Variants in IGF2BP3 observed in about 807,000 individuals in gnomAD.
IGF2BP3 encodes insulin-like growth factor 2 mRNA-binding protein 3.
A neutral mutation model predicts 73.8 loss-of-function variants in IGF2BP3; 9 were observed. The observed-to-expected ratio is 0.12, with a 90% CI of 0.07 to 0.21. The LOEUF (loss-of-function observed/expected upper bound fraction) is 0.21, where lower values mean the gene tolerates loss of function less well. Ranked by LOEUF, IGF2BP3 falls within the 10% of genes least tolerant of loss-of-function variation. IGF2BP3 has a pLI of 1.00. For missense variants in IGF2BP3, 542 were observed against 714.0 expected, an observed-to-expected ratio of 0.76 and a Z score of 2.75; for synonymous variants, 258 against 256.7, an observed-to-expected ratio of 1.01 and a Z score of -0.05.
intron 3 of IGF2BP3, chr7:23,405,208 A>C (rs1038798219): frequency 6.6e-6 from 1 of 152,236 alleles, no homozygotes; most frequent in Non-Finnish European, 1.5e-5. Flanking sequence ...GGCATCAAAA[A>C]ACAATATTCA....
intron 2 of IGF2BP3, among the ~76,000 whole-genome samples, chr7:23,437,757 CA>C (rs1424232054): frequency 2.6e-5 from 4 of 152,090 alleles, no homozygotes; most frequent in African/African-American, 9.7e-5. Flanking sequence ...ATATTGAGAA[CA>C]AAAGTAAAAA....
chr7:23,340,691 T>C (rs534519384), intron 10 of IGF2BP3, among the ~76,000 whole-genome samples: 1 of 152,310 alleles, frequency 6.6e-6, no homozygotes, highest in Non-Finnish European at 1.5e-5. Context: ...TTATCGATAA[T>C]GCAACTGAAT....
chr7:23,342,132 T>C lies in IGF2BP3; in HGVS notation c.1135A>G (p.Thr379Ala). The C allele has an allele frequency of 7.4e-6, 12 of 1,611,410 alleles. No homozygotes were observed. The highest frequency in any genetic ancestry group is 1.0e-5 in the Non-Finnish European group (12 of 1,179,106). The change falls in exon 10 of 15, where the codon ACT (threonine) becomes GCT (alanine). Residue 379 changes from threonine to alanine, a missense_variant. Thr to Ala is a moderately conservative substitution (Grantham distance 58). This residue lies in a region of IGF2BP3 where 303 missense variants were observed against 472.1 expected (regional missense o/e 0.64). Coordinates refer to ENST00000258729, the MANE Select transcript of IGF2BP3 (RefSeq NM_006547.3). ...GAGGTGGGAGGTGGCATCCCTGAAG[T>C]GGGTGGGAACAGACCCAAGGCGTTC... ...NLNALGLFPP[T>A]SGMPPPTSGP...
intron 3 of IGF2BP3, among the ~76,000 whole-genome samples, chr7:23,389,212 G>A (rs1260259027): frequency 2.0e-5 from 3 of 150,620 alleles, no homozygotes; most frequent in Non-Finnish European, 2.9e-5. Context: ...CCAGGCTGGA[G>A]TGCAGCGGCA....
At chr7:23,315,166 G>A (rs145189442) in intron 12 of IGF2BP3, among the ~76,000 whole-genome samples, 191 of 151,058 alleles carry the variant, frequency 1.3e-3, no homozygotes, top group African/African-American at 4.5e-3. Flanking sequence ...CTTTCTCTGT[G>A]GTGCGATCTC....
intron 2 of IGF2BP3, among the ~76,000 whole-genome samples, chr7:23,429,317 CTT>C (rs748605172): frequency 3.9e-5 from 6 of 152,082 alleles, no homozygotes; most frequent in South Asian, 2.1e-4. Flanking sequence ...CAAAAAAGTG[CTT>C]TATGTTTATT....
chr7:23,325,155 T>C (rs1395659498), intron 10 of IGF2BP3, among the ~76,000 whole-genome samples: 1 of 152,166 alleles, frequency 6.6e-6, no homozygotes, highest in Non-Finnish European at 1.5e-5. Flanking sequence ...GATGACATGA[T>C]TGTATATCTA....
Position 23,312,336 on chromosome 7 carries a change from T to G in IGF2BP3, c.*26A>C, listed in dbSNP as rs1247097731. ...ATCTGTCTTTGGTTTGGCATCTGCC[T>G]CTGTGGTGGGCTGTTTCCTGAGCCT... On this transcript the variant is annotated 3_prime_UTR_variant, in exon 15 of 15. Coordinates refer to ENST00000258729, the MANE Select transcript of IGF2BP3 (RefSeq NM_006547.3). 2 of 1,531,510 alleles carry G rather than the reference T, an allele frequency of 1.3e-6. No individual in the cohort carries two copies. Among genetic ancestry groups the G allele is most frequent in the East Asian group, 4.5e-5 (2 of 44,560 alleles). The allele number at this position is 1,531,510 out of a possible 1,614,324, so 94.9% of individuals were successfully genotyped here. A position where few individuals can be genotyped will look rare whatever the true frequency, so the allele number is the denominator to read the frequency against.
rs559434652 is a variant in IGF2BP3 at position 23,323,499 on chromosome 7, T to C, written c.1204-4245A>G. 7.2e-3 allele frequency among the ~76,000 whole-genome samples: 1,057 copies of C among 145,942 alleles called. 14 individuals are homozygous for C. Among genetic ancestry groups the C allele is most frequent in the African/African-American group, 0.026 (967 of 37,842 alleles). On this transcript the variant is annotated intron_variant, in intron 10 of 14. Transcript: ENST00000258729. ...GACTTTAACACCCCACTGTCAACATTAGACAGATCAACGAGACAGAAAGTC... is the reference window on the plus strand; with the variant it reads ...GACTTTAACACCCCACTGTCAACATCAGACAGATCAACGAGACAGAAAGTC...
chr7:23,340,016 C>T (rs1415826564), intron 10 of IGF2BP3, among the ~76,000 whole-genome samples: 1 of 152,126 alleles, frequency 6.6e-6, no homozygotes, highest in African/African-American at 2.4e-5. Context: ...GCTTTAGACA[C>T]AATTCTTATA....
At chr7:23,317,018 G>A (rs1484145476) in intron 12 of IGF2BP3, among the ~76,000 whole-genome samples, 1 of 152,286 alleles carries the variant, frequency 6.6e-6, no homozygotes, top group East Asian at 1.9e-4. Context: ...TGTCATACAA[G>A]GCAAATGGCA....
intron 3 of IGF2BP3, among the ~76,000 whole-genome samples, chr7:23,371,904 A>C (rs1257357523): frequency 2.0e-5 from 3 of 152,196 alleles, no homozygotes; most frequent in African/African-American, 7.2e-5. Flanking sequence ...AGAACAGTCC[A>C]ACAATCCAGC....
chr7:23,343,924 G>C, intron 8 of IGF2BP3, 71 bp from the exon 9 acceptor site: 1 of 1,515,240 alleles, frequency 6.6e-7, no homozygotes. Flanking sequence ...TTCAGCCACA[G>C]ACGGCAATTA....
rs1297164256 is a variant in IGF2BP3 at position 23,351,545 on chromosome 7, G to A, written c.443C>T (p.Thr148Ile). Residue 148 changes from threonine to isoleucine, a missense_variant, in exon 6 of 15, where the codon ACC becomes ATC. By Grantham distance (89) the Thr-to-Ile change is moderately conservative (BLOSUM62 -1). Transcript: ENST00000258729. ...ATCAGGGATATAGGCTACTTTCAAG[G>A]TGAAATTCTCTAACTGAAATCCATT... ...KLNGFQLENF[T>I]LKVAYIPDEM... is the part of the protein sequence containing the mutation. The A allele has an allele frequency of 1.2e-6, 2 of 1,613,976 alleles. No individual in the cohort carries two copies. The highest frequency in any genetic ancestry group is 2.7e-5 in the African/African-American group (2 of 74,898).
At chr7:23,468,644 C>A in intron 1 of IGF2BP3, 102 bp from the exon 2 acceptor site, 1 of 1,172,060 alleles carries the variant, frequency 8.5e-7, no homozygotes, top group Non-Finnish European at 1.3e-6. Context: ...CTCCTGAGGC[C>A]CTCGAAGGGC....
chr7:23,320,998 A>C (rs1472133162), intron 10 of IGF2BP3, among the ~76,000 whole-genome samples: 1 of 151,830 alleles, frequency 6.6e-6, no homozygotes, highest in African/African-American at 2.4e-5. Context: ...AGAAAGGAAA[A>C]ACCCAGTATG....
intron 9 of IGF2BP3, among the ~76,000 whole-genome samples, chr7:23,342,975 G>A (rs768048299): frequency 9.9e-5 from 15 of 151,976 alleles, no homozygotes; most frequent in East Asian, 5.8e-4. Context: ...CATTTCCCTC[G>A]TCTCAGGTTT....
intron 3 of IGF2BP3, among the ~76,000 whole-genome samples, chr7:23,384,238 T>A (rs1486424011): frequency 1.3e-5 from 2 of 149,798 alleles, no homozygotes; most frequent in Non-Finnish European, 3.0e-5. Flanking sequence ...ATGCACAGAA[T>A]AGGGAAATAT....
chr7:23,363,514 T>A (rs1190992216), intron 3 of IGF2BP3, among the ~76,000 whole-genome samples: 1 of 152,256 alleles, frequency 6.6e-6, no homozygotes, highest in Non-Finnish European at 1.5e-5. Context: ...CCCCAAGTGC[T>A]GAGATTACAG....
Sources: gnomAD v4.1 joint callset for allele counts (sites outside exome capture counted in the v4.1 genomes callset) on GRCh38, gnomAD v4.1.1 for gene constraint, gnomAD v4.1.1 regional missense constraint, MANE v1.5 for transcripts, NCBI Gene and HGNC (gene_info 2026-07-23, HGNC 2026-07-21) for gene names.